INPP4B: variants seen among roughly 807,000 people sequenced by gnomAD.
INPP4B encodes inositol polyphosphate-4-phosphatase type II B.
Under a neutral mutation model 122.5 loss-of-function variants are expected in INPP4B, and 55 were observed. The observed-to-expected ratio is 0.45, with a 90% CI of 0.36 to 0.56. The LOEUF (loss-of-function observed/expected upper bound fraction) is 0.56, where lower values mean the gene tolerates loss of function less well. Among genes scored for constraint, INPP4B ranks in the 20% least tolerant of loss-of-function variants. INPP4B has a pLI of 0.00. For synonymous variants in INPP4B, 403 were observed against 388.7 expected (o/e 1.04, Z -0.43); for missense variants, 1,000 against 1,097.7 (o/e 0.91, Z 1.26).
At chr4:142,089,036 G>A (rs548774672) in intron 23 of INPP4B, among the ~76,000 whole-genome samples, 2 of 152,272 alleles carry the variant, frequency 1.3e-5, no homozygotes, top group Admixed American at 6.5e-5. Flanking sequence ...AGGCTGAGGG[G>A]AAAATAGCAA....
intron 7 of INPP4B, among the ~76,000 whole-genome samples, chr4:142,329,878 CT>C (rs1031283240): frequency 6.6e-5 from 10 of 151,862 alleles, no homozygotes; most frequent in African/African-American, 1.2e-4. Flanking sequence ...ACTATTTACA[CT>C]TTTTTTTACA....
chr4:142,054,581 G>A (rs980270322), intron 25 of INPP4B, among the ~76,000 whole-genome samples: 1 of 63,286 alleles, frequency 1.6e-5, no homozygotes, highest in Non-Finnish European at 4.7e-5. Flanking sequence ...AGACAGTCCA[G>A]AGGGTCCCAT....
chr4:142,237,958 A>G lies in INPP4B; in HGVS notation c.742T>C (p.Trp248Arg). The G allele has an allele frequency of 6.4e-7, 1 of 1,573,892 alleles. No individual in the cohort carries two copies. Among genetic ancestry groups the G allele is most frequent in the East Asian group, 2.2e-5 (1 of 44,486 alleles). Residue 248 changes from tryptophan (W) to arginine (R), a missense_variant, in exon 12 of 26, where the codon TGG becomes CGG. Coordinates refer to ENST00000262992, the MANE Select transcript of INPP4B (RefSeq NM_001101669.3). Reference sequence around the variant, plus strand: ...GACATCTGCTCTCGAATTCGCATCCACTTATTGTCAGATGTGGGAAATCTA... The same window carrying G: ...GACATCTGCTCTCGAATTCGCATCCGCTTATTGTCAGATGTGGGAAATCTA... ...LYRFPTSDNK[W>R]MRIREQMSES...
chr4:142,047,875 C>A (rs1191281885), intron 25 of INPP4B, among the ~76,000 whole-genome samples: 3 of 152,068 alleles, frequency 2.0e-5, no homozygotes, highest in Non-Finnish European at 4.4e-5. Context: ...ATTAGCCTTT[C>A]TCAACCTGCC....
At chr4:142,534,325 G>T (rs1482248782) in intron 2 of INPP4B, among the ~76,000 whole-genome samples, 1 of 152,140 alleles carries the variant, frequency 6.6e-6, no homozygotes, top group East Asian at 1.9e-4. Flanking sequence ...CAGTGCAACA[G>T]TATTAAGAGA....
chr4:142,574,656 G>A (rs1341389306), intron 2 of INPP4B, among the ~76,000 whole-genome samples: 1 of 152,094 alleles, frequency 6.6e-6, no homozygotes, highest in Non-Finnish European at 1.5e-5. Context: ...TGTCAGAATT[G>A]AACACAAATA....
At chr4:142,481,752 G>T (rs1478018846) in intron 2 of INPP4B, among the ~76,000 whole-genome samples, 1 of 152,104 alleles carries the variant, frequency 6.6e-6, no homozygotes, top group East Asian at 1.9e-4. Context: ...CTCTAGAGTA[G>T]TGCTAGCCAA....
intron 1 of INPP4B, among the ~76,000 whole-genome samples, chr4:142,837,092 G>A (rs1253842888): frequency 6.6e-6 from 1 of 151,768 alleles, no homozygotes; most frequent in Admixed American, 6.6e-5. Flanking sequence ...GGAGGCGGAG[G>A]TTACAGTGAG....
At chr4:142,624,182 C>T (rs181754516) in intron 2 of INPP4B, among the ~76,000 whole-genome samples, 9 of 152,050 alleles carry the variant, frequency 5.9e-5, no homozygotes, top group African/African-American at 2.2e-4. Flanking sequence ...TACAGTCCCA[C>T]CAACAGTATA....
At chr4:142,774,222 G>T (rs1334115246) in intron 1 of INPP4B, among the ~76,000 whole-genome samples, 1 of 152,018 alleles carries the variant, frequency 6.6e-6, no homozygotes, top group Non-Finnish European at 1.5e-5. Context: ...TGTTTCTGAG[G>T]CCTGCCTGGA....
intron 5 of INPP4B, 85 bp from the exon 6 acceptor site, chr4:142,405,409 A>G (rs1803094632): frequency 1.2e-6 from 1 of 807,292 alleles, no homozygotes; most frequent in Non-Finnish European, 2.1e-6. Context: ...AAGTGAACTT[A>G]GCTACAGCAC....
At chr4:142,377,719 C>G (rs1043001284) in intron 7 of INPP4B, among the ~76,000 whole-genome samples, 9 of 152,054 alleles carry the variant, frequency 5.9e-5, no homozygotes, top group African/African-American at 2.2e-4. Flanking sequence ...AAAAAATACT[C>G]AAGAAATGAA....
intron 25 of INPP4B, among the ~76,000 whole-genome samples, chr4:142,031,362 T>C (rs1739930787): frequency 6.6e-6 from 1 of 152,164 alleles, no homozygotes; most frequent in South Asian, 2.1e-4. Context: ...TTCTAGTCCT[T>C]CGCAATCCCC....
intron 1 of INPP4B, among the ~76,000 whole-genome samples, chr4:142,806,837 AAGAAAGAAAGAAAGG>A (rs1423492287): frequency 6.6e-6 from 1 of 150,924 alleles, no homozygotes; most frequent in Non-Finnish European, 1.5e-5. Flanking sequence ...GAAAGAAAGA[AAGAAAGAAAGAAAGG>A]AGAAGAAAAA....
intron 9 of INPP4B, among the ~76,000 whole-genome samples, chr4:142,272,952 A>T (rs193018795): frequency 6.6e-6 from 1 of 152,032 alleles, no homozygotes. Context: ...GATATTCTAA[A>T]TTTTTTCACT....
chr4:142,377,702 C>T (rs1792487862), intron 7 of INPP4B, among the ~76,000 whole-genome samples: 2 of 151,936 alleles, frequency 1.3e-5, no homozygotes, highest in Non-Finnish European at 2.9e-5. Flanking sequence ...CAGTTTCTCT[C>T]TTTTCAAAAA....
intron 11 of INPP4B, among the ~76,000 whole-genome samples, chr4:142,252,902 A>C (rs1165555558): frequency 6.6e-6 from 1 of 152,160 alleles, no homozygotes. Flanking sequence ...CTGAGAAAGT[A>C]GTCATTAGGC....
At chr4:142,776,219 C>T (rs895665414) in intron 1 of INPP4B, among the ~76,000 whole-genome samples, 52 of 152,118 alleles carry the variant, frequency 3.4e-4, no homozygotes, top group African/African-American at 1.2e-3. Context: ...CTCACTTTGA[C>T]CAAGAAAACA....
intron 2 of INPP4B, among the ~76,000 whole-genome samples, chr4:142,681,580 C>A (rs1402093550): frequency 1.3e-5 from 2 of 151,164 alleles, no homozygotes; most frequent in African/African-American, 4.9e-5. Context: ...TGAGAGAGAG[C>A]ATGATAGAAG....
Sources: allele counts gnomAD v4.1 joint callset (sites outside exome capture counted in the v4.1 genomes callset), GRCh38; gene constraint gnomAD v4.1.1; transcripts MANE v1.5; gene names NCBI Gene and HGNC (gene_info 2026-07-23, HGNC 2026-07-21).